PIK3R3: variants seen among roughly 807,000 people sequenced by gnomAD.
PIK3R3 encodes phosphoinositide-3-kinase regulatory subunit 3.
In PIK3R3, 64 loss-of-function variants were observed where a neutral mutation model predicts 62.9. The ratio of observed to expected loss-of-function variants is 1.02; its 90% CI spans 0.83 to 1.25. PIK3R3 has a LOEUF of 1.25. Among genes scored for constraint, PIK3R3 ranks in the 50% most tolerant of loss-of-function variants. PIK3R3 has a pLI of 0.00. For synonymous variants in PIK3R3, 165 were observed against 189.0 expected (o/e 0.87, Z 1.04); for missense variants, 614 against 561.6 (o/e 1.09, Z -0.94).
chr1:46,098,026 C>T (rs78449996), intron 1 of PIK3R3, among the ~76,000 whole-genome samples: 70 of 151,966 alleles, frequency 4.6e-4, no homozygotes, highest in African/African-American at 1.6e-3. Flanking sequence ...ACTACTAAAG[C>T]TAATAAAAGA....
At chr1:46,133,354 C>T (rs1051819080), upstream of PIK3R3, among the ~76,000 whole-genome samples, 6 of 152,174 alleles carry the variant, frequency 3.9e-5, no homozygotes, top group African/African-American at 1.2e-4. Flanking sequence ...AGGAGAGGAG[C>T]CAGGGAGGAC....
the PIK3R3 span, among the ~76,000 whole-genome samples, chr1:46,169,233 T>A: frequency 6.6e-6 from 1 of 152,216 alleles, no homozygotes; most frequent in Non-Finnish European, 1.5e-5. Flanking sequence ...TGTTACTCCC[T>A]AGCTGGATGA....
chr1:46,061,825 G>T, intron 6 of PIK3R3, 104 bp downstream of exon 6: 1 of 1,023,008 alleles, frequency 9.8e-7, no homozygotes, highest in Non-Finnish European at 1.5e-6. Flanking sequence ...TCCAATAGTA[G>T]GGCTGTGCAG....
chr1:46,093,148 A>G (rs1651800515), intron 1 of PIK3R3, among the ~76,000 whole-genome samples: 1 of 152,224 alleles, frequency 6.6e-6, no homozygotes, highest in South Asian at 2.1e-4. Context: ...GGCAAACATA[A>G]AAGTATTATT....
chr1:46,056,439 T>G (rs1647924726), intron 6 of PIK3R3: 1 of 153,056 alleles, frequency 6.5e-6, no homozygotes, highest in African/African-American at 2.4e-5. Context: ...TGATGTTCCC[T>G]GGAGGTAAGG....
rs746469052 is a variant in PIK3R3 at position 46,046,097 on chromosome 1, T to G, written c.1017-9A>C. 6.8e-7 allele frequency: 1 copy of G among 1,461,140 alleles called. No individual in the cohort carries two copies. 90.5% of individuals were successfully genotyped at this position (1,461,140 alleles called of 1,614,324 possible). Reference sequence around the variant, plus strand: ...CATTGATAAAATAGTTCCTAAAAATTAAATATTAGTATATTATTCTAACAA... The same window carrying G: ...CATTGATAAAATAGTTCCTAAAAATGAAATATTAGTATATTATTCTAACAA... On this transcript the variant is annotated splice_polypyrimidine_tract_variant and intron_variant, in intron 8 of 9. Coordinates refer to ENST00000262741, the MANE Select transcript of PIK3R3 (RefSeq NM_003629.4).
At chr1:46,171,720 G>T in the PIK3R3 span, among the ~76,000 whole-genome samples, 9 of 152,160 alleles carry the variant, frequency 5.9e-5, no homozygotes, top group South Asian at 1.0e-3. Context: ...GCAGGAGTTG[G>T]GGTCTGGGGA....
Position 46,132,613 on chromosome 1 carries a change from G to A in PIK3R3, c.-661C>T, listed in dbSNP as rs1040597652. The A allele has an allele frequency of 5.4e-6, 7 of 1,289,522 alleles. No individual in the cohort carries two copies. Among genetic ancestry groups the A allele is most frequent in the Admixed American group, 2.3e-5 (1 of 43,548 alleles). 79.9% of individuals were successfully genotyped at this position (1,289,522 alleles called of 1,614,324 possible). A position where few individuals can be genotyped will look rare whatever the true frequency, so the allele number is the denominator to read the frequency against. On this transcript the variant is annotated 5_prime_UTR_variant, in exon 1 of 10. Coordinates refer to ENST00000262741, the MANE Select transcript of PIK3R3 (RefSeq NM_003629.4). ...AAGAACCAACCCGACCGCACCAACTGCCCTCAAGCTCTGCCCGGACTCCAG... is the reference window on the plus strand; with the variant it reads ...AAGAACCAACCCGACCGCACCAACTACCCTCAAGCTCTGCCCGGACTCCAG...
intron 1 of PIK3R3, among the ~76,000 whole-genome samples, chr1:46,121,319 G>A (rs1654650241): frequency 6.6e-6 from 1 of 152,100 alleles, no homozygotes; most frequent in Non-Finnish European, 1.5e-5. Context: ...ACCATATTGA[G>A]TGACCCTGTT....
the PIK3R3 span, among the ~76,000 whole-genome samples, chr1:46,158,870 G>A: frequency 6.6e-6 from 1 of 152,080 alleles, no homozygotes; most frequent in Non-Finnish European, 1.5e-5. Flanking sequence ...GGTGGATCAC[G>A]AGGTCAGGAG....
rs936684757 is a variant in PIK3R3, at chr1:46,046,859, A to C, written c.942-234T>G. Reference sequence around the variant, plus strand: ...GAAACATAGAGGGCTACTTGAAATTAGGCCCTTCACTTTTCATTTTTCTTT... The same window carrying C: ...GAAACATAGAGGGCTACTTGAAATTCGGCCCTTCACTTTTCATTTTTCTTT... On this transcript the variant is annotated intron_variant, in intron 7 of 9. Transcript: ENST00000262741. The C allele has an allele frequency of 2.0e-5, 11 of 548,378 alleles. 1 individual carries two copies. The highest frequency in any genetic ancestry group is 3.2e-6 in the Non-Finnish European group (1 of 311,542). 34.0% of individuals were successfully genotyped at this position (548,378 alleles called of 1,614,324 possible). A position where few individuals can be genotyped will look rare whatever the true frequency, so the allele number is the denominator to read the frequency against.
the PIK3R3 span, among the ~76,000 whole-genome samples, chr1:46,144,299 G>T: frequency 1.3e-5 from 2 of 152,152 alleles, no homozygotes; most frequent in African/African-American, 4.8e-5. Flanking sequence ...GAAAGAATAC[G>T]AGCAGTAATC....
chr1:46,111,574 A>C (rs1023276720), intron 1 of PIK3R3, among the ~76,000 whole-genome samples: 4 of 152,048 alleles, frequency 2.6e-5, no homozygotes, highest in Non-Finnish European at 5.9e-5. Context: ...AAAAATACAA[A>C]AATTAGCCGC....
At chr1:46,120,211 C>G (rs1475018504) in intron 1 of PIK3R3, among the ~76,000 whole-genome samples, 1 of 152,130 alleles carries the variant, frequency 6.6e-6, no homozygotes, top group African/African-American at 2.4e-5. Context: ...TTCTAGTAAG[C>G]AACCAACAAG....
intron 9 of PIK3R3, among the ~76,000 whole-genome samples, chr1:46,045,617 C>CTTTTTTTTTTTTTTTTTT (rs1031388121): frequency 9.4e-5 from 2 of 21,204 alleles, no homozygotes; most frequent in Non-Finnish European, 1.6e-4. Context: ...CAATTAAGTG[C>CTTTTTTTTTTTTTTTTTT]TTTTTTTTTT....
intron 1 of PIK3R3, among the ~76,000 whole-genome samples, chr1:46,093,575 C>A (rs1651836402): frequency 1.3e-5 from 2 of 151,978 alleles, no homozygotes; most frequent in Non-Finnish European, 2.9e-5. Flanking sequence ...CATTTAAATA[C>A]TAAGAACATA....
chr1:46,172,340 G>A, the PIK3R3 span, among the ~76,000 whole-genome samples: 8 of 152,168 alleles, frequency 5.3e-5, no homozygotes, highest in Non-Finnish European at 1.2e-4. Flanking sequence ...AGAAAAGTGA[G>A]GTGGTAGGGG....
At chr1:46,102,321 T>C (rs1368933661) in intron 1 of PIK3R3, among the ~76,000 whole-genome samples, 1 of 152,212 alleles carries the variant, frequency 6.6e-6, no homozygotes, top group African/African-American at 2.4e-5. Context: ...TTGTATGGTA[T>C]GTGAATTATA....
chr1:46,104,144 T>G (rs1382800486), intron 1 of PIK3R3, among the ~76,000 whole-genome samples: 1 of 151,922 alleles, frequency 6.6e-6, no homozygotes, highest in East Asian at 1.9e-4. Flanking sequence ...GCCAGGTTGG[T>G]CTCAAACTCC....
Sources: allele counts gnomAD v4.1 joint callset (sites outside exome capture counted in the v4.1 genomes callset), GRCh38; gene constraint gnomAD v4.1.1; transcripts MANE v1.5; gene names NCBI Gene and HGNC (gene_info 2026-07-23, HGNC 2026-07-21).